SHANK2: variants seen among roughly 807,000 people sequenced by gnomAD.
SHANK2 encodes SH3 and multiple ankyrin repeat domains protein 2.
In SHANK2, 43 loss-of-function variants were observed where a neutral mutation model predicts 133.7. The observed-to-expected ratio is 0.32, with a 90% confidence interval of 0.25 to 0.41. The LOEUF (loss-of-function observed/expected upper bound fraction) is 0.41, where lower values mean the gene tolerates loss of function less well. Among genes scored for constraint, SHANK2 ranks in the 10% least tolerant of loss-of-function variants. The pLI, the probability that SHANK2 is intolerant of heterozygous loss-of-function variation, is 1.00. For missense variants in SHANK2, 1,994 were observed against 2,235.8 expected (o/e 0.89, Z 2.18); for synonymous variants, 1,017 against 952.8 (o/e 1.07, Z -1.24).
At chr11:70,516,915 G>C (rs1004702937) in intron 17 of SHANK2, among the ~76,000 whole-genome samples, 6 of 151,974 alleles carry the variant, frequency 3.9e-5, no homozygotes, top group African/African-American at 9.7e-5. Context: ...TCTTATAAAA[G>C]TACAAAAATC....
intron 17 of SHANK2, among the ~76,000 whole-genome samples, chr11:70,545,935 T>C (rs1554976264): frequency 6.6e-6 from 1 of 152,042 alleles, no homozygotes; most frequent in Admixed American, 6.6e-5. Flanking sequence ...GGAACATGCA[T>C]CACTTATGGC....
chr11:71,088,192 G>A (rs1034943514), intron 8 of SHANK2, among the ~76,000 whole-genome samples: 17 of 152,278 alleles, frequency 1.1e-4, no homozygotes, highest in African/African-American at 3.6e-4. Flanking sequence ...CAGGATCCCC[G>A]CAGCGGCATC....
intron 10 of SHANK2, among the ~76,000 whole-genome samples, chr11:70,905,310 T>C (rs1273422088): frequency 6.6e-6 from 1 of 152,164 alleles, no homozygotes; most frequent in Admixed American, 6.5e-5. Context: ...AATACCTCCC[T>C]GGGCTCAAGA....
chr11:70,864,031 C>T, intron 11 of SHANK2: 1 of 366,896 alleles, frequency 2.7e-6, no homozygotes, highest in South Asian at 2.1e-5. Flanking sequence ...CCTGTCCTGG[C>T]CCCTCAGTCT....
intron 11 of SHANK2, chr11:70,863,814 C>T (rs1358548131): frequency 8.7e-6 from 4 of 457,586 alleles, no homozygotes; most frequent in Non-Finnish European, 1.3e-5. Context: ...GAAGAGGAAA[C>T]CTGGACAGAC....
chr11:70,876,318 T>C (rs1404554094), intron 11 of SHANK2, among the ~76,000 whole-genome samples: 1 of 138,360 alleles, frequency 7.2e-6, no homozygotes, highest in Non-Finnish European at 1.5e-5. Context: ...TCCCAGCACT[T>C]TGGGAGGCCG....
rs79055113 is a variant in SHANK2 at position 71,145,566 on chromosome 11, C to T, written c.207+1554G>A. Among the ~76,000 whole-genome samples the T allele has an allele frequency of 8.1e-3, 1,234 of 152,310 alleles. 23 individuals carry two copies. Among genetic ancestry groups the T allele is most frequent in the African/African-American group, 0.028 (1,152 of 41,572 alleles). ...GCTGAGCAGAGGGTGCCTGCTGGACCGCAAGCTGCTGGCACTGGGGGAAGA... is the reference window on the plus strand; with the variant it reads ...GCTGAGCAGAGGGTGCCTGCTGGACTGCAAGCTGCTGGCACTGGGGGAAGA... On this transcript the variant is annotated intron_variant, in intron 3 of 25. Coordinates refer to ENST00000601538, the MANE Select transcript of SHANK2 (RefSeq NM_012309.5).
chr11:70,852,692 A>G (rs1949105225), intron 11 of SHANK2, among the ~76,000 whole-genome samples: 1 of 152,146 alleles, frequency 6.6e-6, no homozygotes, highest in Admixed American at 6.5e-5. Flanking sequence ...AAAATACAAA[A>G]ATTAGCCAGG....
At chr11:71,208,323 T>G (rs10792542) in intron 2 of SHANK2, among the ~76,000 whole-genome samples, 55,793 of 151,432 alleles carry the variant, frequency 0.37, 12,224 homozygotes, top group East Asian at 0.64. Flanking sequence ...ATGGGGAAGT[T>G]GGGGGGAGAA....
intron 14 of SHANK2, among the ~76,000 whole-genome samples, chr11:70,751,089 G>A (rs546498913): frequency 6.6e-6 from 1 of 152,040 alleles, no homozygotes; most frequent in South Asian, 2.1e-4. Flanking sequence ...GAAGACAGAG[G>A]AAACAAATAG....
chr11:71,084,041 C>T (rs1180333475), intron 8 of SHANK2, among the ~76,000 whole-genome samples: 6 of 151,754 alleles, frequency 4.0e-5, no homozygotes, highest in Non-Finnish European at 8.8e-5. Flanking sequence ...GCAGTCTCAG[C>T]TCGCTGCAAG....
At chr11:70,880,334 G>A (rs7125060) in intron 11 of SHANK2, among the ~76,000 whole-genome samples, 7,667 of 152,280 alleles carry the variant, frequency 0.05, 633 homozygotes, top group African/African-American at 0.18. Context: ...GGAGGAGACC[G>A]GGCTTCGGGG....
At chr11:70,530,392 C>T (rs1286730861) in intron 17 of SHANK2, among the ~76,000 whole-genome samples, 7 of 152,084 alleles carry the variant, frequency 4.6e-5, no homozygotes, top group East Asian at 1.9e-4. Context: ...AAAAACTAGC[C>T]GGGTGTGGTG....
rs532114777 is a variant in SHANK2 at position 70,472,790 on chromosome 11, G to C, written c.*79C>G. ...AGTGGGGTTGATGCTCACAGACTTCGCTTGGCATTCAGATGTTTCAGCACG... is the reference window on the plus strand; with the variant it reads ...AGTGGGGTTGATGCTCACAGACTTCCCTTGGCATTCAGATGTTTCAGCACG... On this transcript the variant is annotated 3_prime_UTR_variant, in exon 26 of 26. Coordinates refer to ENST00000601538, the MANE Select transcript of SHANK2 (RefSeq NM_012309.5). This position sits in a 1 kb window ranked among gnomAD's most constrained non-coding sequence, Gnocchi z 4.4. 7.2e-7 allele frequency: 1 copy of C among 1,382,870 alleles called. No homozygotes were observed. The highest frequency in any genetic ancestry group is 2.3e-5 in the East Asian group (1 of 43,770). The allele number at this position is 1,382,870 out of a possible 1,614,324, so 85.7% of individuals were successfully genotyped here. A position where few individuals can be genotyped will look rare whatever the true frequency, so the allele number is the denominator to read the frequency against.
chr11:70,866,983 G>T (rs189087563), intron 11 of SHANK2, among the ~76,000 whole-genome samples: 1 of 152,026 alleles, frequency 6.6e-6, no homozygotes, highest in Non-Finnish European at 1.5e-5. Flanking sequence ...CACCCCAGCA[G>T]ACAAGGCCTG....
At chr11:70,836,575 C>T (rs1948821292) in intron 11 of SHANK2, among the ~76,000 whole-genome samples, 1 of 152,224 alleles carries the variant, frequency 6.6e-6, no homozygotes, top group Non-Finnish European at 1.5e-5. Context: ...CTGCCTGCCT[C>T]CATCACAGCC....
intron 17 of SHANK2, among the ~76,000 whole-genome samples, chr11:70,514,245 G>T (rs530534404): frequency 1.3e-5 from 2 of 152,244 alleles, no homozygotes; most frequent in Admixed American, 1.3e-4. Flanking sequence ...TCTTTAACAG[G>T]TGAAAGTAAA....
intron 14 of SHANK2, among the ~76,000 whole-genome samples, chr11:70,713,955 GC>G (rs1945854834): frequency 1.3e-5 from 2 of 152,202 alleles, no homozygotes; most frequent in African/African-American, 2.4e-5. Flanking sequence ...CATGCTAAGT[GC>G]CTTCTTCCTT....
chr11:70,650,959 C>G (rs1418132660), intron 17 of SHANK2, among the ~76,000 whole-genome samples: 1 of 152,188 alleles, frequency 6.6e-6, no homozygotes, highest in Non-Finnish European at 1.5e-5. Context: ...CAATTGCCAC[C>G]ATTTGTTGAG....
Sources: gnomAD v4.1 joint callset for allele counts (sites outside exome capture counted in the v4.1 genomes callset) on GRCh38, gnomAD v4.1.1 for gene constraint, Gnocchi (gnomAD v3.1) non-coding constraint, MANE v1.5 for transcripts, NCBI Gene and HGNC (gene_info 2026-07-23, HGNC 2026-07-21) for gene names.